PLCB4: variants seen among roughly 807,000 people sequenced by gnomAD.
The protein encoded by PLCB4 is 1-phosphatidylinositol 4,5-bisphosphate phosphodiesterase beta-4.
PLCB4 carries 77 observed loss-of-function variants against 178.8 expected under a neutral mutation model. The observed-to-expected ratio is 0.43, with a 90% CI of 0.36 to 0.52. The LOEUF is 0.52. Among genes scored for constraint, PLCB4 ranks in the 20% least tolerant of loss-of-function variants. PLCB4 has a pLI of 0.00. For missense variants in PLCB4, 1,024 were observed against 1,453.4 expected (o/e 0.70, Z 4.80); for synonymous variants, 496 against 490.8 (o/e 1.01, Z -0.14).
At chr20:9,436,929 A>C in intron 29 of PLCB4, 73 bp from the exon 30 acceptor site, 1 of 1,414,970 alleles carries the variant, frequency 7.1e-7, no homozygotes. Context: ...TGGATTCAGT[A>C]AAATAAAGAA....
intron 32 of PLCB4, 30 bp downstream of exon 32, chr20:9,444,273 T>A: frequency 7.4e-7 from 1 of 1,342,992 alleles, no homozygotes; most frequent in Non-Finnish European, 1.1e-6. Context: ...CTATTTTGTG[T>A]TATGTATGGA....
At chr20:9,474,272 T>C (rs1286493625) in intron 38 of PLCB4, among the ~76,000 whole-genome samples, 2 of 151,794 alleles carry the variant, frequency 1.3e-5, no homozygotes, top group Non-Finnish European at 2.9e-5. Context: ...CCAATGGGCA[T>C]ATACCAGCAC....
intron 25 of PLCB4, among the ~76,000 whole-genome samples, chr20:9,412,064 C>T (rs990154490): frequency 6.6e-6 from 1 of 152,216 alleles, no homozygotes; most frequent in Non-Finnish European, 1.5e-5. Flanking sequence ...ATGCTATTCC[C>T]CAAATCACCC....
intron 7 of PLCB4, 86 bp from the exon 8 acceptor site, chr20:9,362,810 A>T: frequency 1.3e-6 from 1 of 789,672 alleles, no homozygotes; most frequent in South Asian, 1.4e-5. Flanking sequence ...TTATTACACA[A>T]AATGGATACA....
At chr20:9,473,517 C>A in intron 38 of PLCB4, 152 bp downstream of exon 38, 1 of 430,162 alleles carries the variant, frequency 2.3e-6, no homozygotes, top group South Asian at 8.4e-5. Context: ...TCCATTATAT[C>A]CAAAAAGAAA....
At chr20:9,469,370 G>C (rs2044026672) in intron 36 of PLCB4, among the ~76,000 whole-genome samples, 1 of 152,188 alleles carries the variant, frequency 6.6e-6, no homozygotes, top group South Asian at 2.1e-4. Flanking sequence ...GTCCGTTCTG[G>C]ATGGGCCAGT....
chr20:9,331,953 A>G (rs2031730780), intron 4 of PLCB4, among the ~76,000 whole-genome samples: 1 of 152,186 alleles, frequency 6.6e-6, no homozygotes, highest in Non-Finnish European at 1.5e-5. Context: ...GTTTCACAAA[A>G]GGTGTTCCTG....
At chr20:9,137,183 G>A (rs2092400543) in intron 2 of PLCB4, among the ~76,000 whole-genome samples, 1 of 151,996 alleles carries the variant, frequency 6.6e-6, no homozygotes, top group Non-Finnish European at 1.5e-5. Flanking sequence ...CCTAATCCCT[G>A]CCCACACCTG....
At chr20:9,170,761 C>G (rs1446866364) in intron 2 of PLCB4, among the ~76,000 whole-genome samples, 1 of 152,104 alleles carries the variant, frequency 6.6e-6, no homozygotes, top group Non-Finnish European at 1.5e-5. Context: ...TTGGATCTGC[C>G]CTGATGTGGG....
intron 3 of PLCB4, among the ~76,000 whole-genome samples, chr20:9,301,931 A>G (rs2094709614): frequency 6.6e-6 from 1 of 151,830 alleles, no homozygotes; most frequent in African/African-American, 2.4e-5. Flanking sequence ...TAACTGCTCA[A>G]TGTGTTTACA....
At chr20:9,083,196 C>T (rs2090240466) in intron 1 of PLCB4, among the ~76,000 whole-genome samples, 1 of 152,186 alleles carries the variant, frequency 6.6e-6, no homozygotes, top group African/African-American at 2.4e-5. Context: ...TAGAATATCT[C>T]AAGAGCAGTT....
intron 2 of PLCB4, among the ~76,000 whole-genome samples, chr20:9,210,065 A>T (rs183855802): frequency 4.7e-4 from 72 of 152,182 alleles, no homozygotes; most frequent in African/African-American, 1.6e-3. Context: ...GTGTTGCTTC[A>T]AGTCACTACG....
intron 1 of PLCB4, among the ~76,000 whole-genome samples, chr20:9,081,584 C>T (rs1280342805): frequency 3.9e-5 from 6 of 151,974 alleles, no homozygotes; most frequent in African/African-American, 1.4e-4. Context: ...GATTGGGTGC[C>T]CTACTTTAGT....
In PLCB4 at chr20:9,158,432, AT is replaced by A. The variant is rs371785974; in HGVS notation, c.-78-58942del. 4.0e-3 allele frequency among the ~76,000 whole-genome samples: 559 copies of A among 140,000 alleles called. 1 individual carries two copies. The highest frequency in any genetic ancestry group is 7.5e-3 in the Middle Eastern group (2 of 266). 91.8% of individuals were successfully genotyped at this position (140,000 alleles called of 152,430 possible). ...GGGCAAGTGTCTCCACACCTGGCTA[AT>A]TTTTTTTTTTTTTTTAATAGATTTG... On this transcript the variant is annotated intron_variant, in intron 2 of 39. Coordinates refer to ENST00000378473, the MANE Select transcript of PLCB4 (RefSeq NM_001377142.1).
chr20:9,233,429 A>C (rs1601338224), intron 3 of PLCB4, among the ~76,000 whole-genome samples: 1 of 152,304 alleles, frequency 6.6e-6, no homozygotes, highest in East Asian at 1.9e-4. Context: ...AGAGGGAAAT[A>C]GATAATAAAA....
chr20:9,103,957 A>T (rs2091273212), intron 2 of PLCB4, among the ~76,000 whole-genome samples: 1 of 152,130 alleles, frequency 6.6e-6, no homozygotes, highest in African/African-American at 2.4e-5. Context: ...AAGCACTATT[A>T]TGAGAGCCTC....
intron 3 of PLCB4, among the ~76,000 whole-genome samples, chr20:9,240,654 A>G (rs919837069): frequency 3.9e-5 from 6 of 152,174 alleles, no homozygotes; most frequent in African/African-American, 1.4e-4. Flanking sequence ...GGTCTGTAGC[A>G]TTCCCTGCCT....
chr20:9,201,196 T>C (rs1321203575), intron 2 of PLCB4, among the ~76,000 whole-genome samples: 3 of 152,224 alleles, frequency 2.0e-5, no homozygotes, highest in Non-Finnish European at 4.4e-5. Context: ...ACTGGTATAA[T>C]TTTGTGTTTT....
intron 3 of PLCB4, among the ~76,000 whole-genome samples, chr20:9,284,385 T>C (rs922369116): frequency 4.6e-5 from 7 of 151,874 alleles, no homozygotes; most frequent in Non-Finnish European, 7.4e-5. Flanking sequence ...TAGAGTCAAG[T>C]GAGCATGGGA....
Sources: gnomAD v4.1 joint callset for allele counts (sites outside exome capture counted in the v4.1 genomes callset) on GRCh38, gnomAD v4.1.1 for gene constraint, MANE v1.5 for transcripts, NCBI Gene and HGNC (gene_info 2026-07-23, HGNC 2026-07-21) for gene names.